The following PCDHA10 variants were observed in gnomAD, a reference collection of about 807,000 sequenced individuals.
PCDHA10 encodes protocadherin alpha 10, also known as protocadherin alpha-10.
A neutral mutation model predicts 61.2 loss-of-function variants in PCDHA10; 45 were observed. The observed-to-expected ratio is 0.74, with a 90% CI of 0.58 to 0.94. PCDHA10 has a LOEUF of 0.94. PCDHA10 is among the 40% of genes least tolerant of loss of function. The pLI is 0.00. For synonymous variants in PCDHA10, 602 were observed against 548.8 expected (o/e 1.10, Z -1.35); for missense variants, 1,278 against 1,236.2 (o/e 1.03, Z -0.51).
chr5:140,927,953 C>T (rs782230690), intron 1 of PCDHA10: 48 of 1,614,090 alleles, frequency 3.0e-5, no homozygotes, highest in Non-Finnish European at 2.1e-5. Flanking sequence ...GAGGACGCTG[C>T]CCCTGGCACA....
chr5:140,871,132 G>A, intron 1 of PCDHA10: 1 of 1,613,372 alleles, frequency 6.2e-7, no homozygotes, highest in South Asian at 1.1e-5. Flanking sequence ...GGCGCCAAAG[G>A]CCTCTTCCCG....
intron 1 of PCDHA10, chr5:140,876,403 G>A (rs1361779592): frequency 1.2e-6 from 2 of 1,613,820 alleles, no homozygotes. Context: ...ACTGGATTTT[G>A]AAGAGAATAA....
At position 140,857,531 on chromosome 5, in the gene PCDHA10, G is replaced by A; in HGVS notation, c.1483G>A (p.Glu495Lys). 1.3e-6 allele frequency: 2 copies of A among 1,597,582 alleles called. No homozygotes were observed. Among genetic ancestry groups the A allele is most frequent in the East Asian group, 2.2e-5 (1 of 44,834 alleles). ...ENALVSYSLV[E>K]RRLGERSLSS... is the part of the protein sequence containing the mutation. ...CGCCCTGGTGTCCTACTCTCTGGTG[G>A]AGCGGCGGTTGGGCGAGCGCTCGCT... Residue 495 changes from glutamate (E) to lysine (K), a missense_variant, in exon 1 of 4, where the codon GAG (glutamate) becomes AAG (lysine). By Grantham distance (56) the Glu-to-Lys change is moderately conservative. Transcript: ENST00000307360.
At chr5:140,939,317 A>T (rs2092365663) in intron 1 of PCDHA10, among the ~76,000 whole-genome samples, 1 of 152,148 alleles carries the variant, frequency 6.6e-6, no homozygotes, top group Admixed American at 6.5e-5. Flanking sequence ...CTACCTCCTA[A>T]TATCATAATC....
chr5:140,941,996 A>G (rs951664999), intron 1 of PCDHA10, among the ~76,000 whole-genome samples: 1 of 152,220 alleles, frequency 6.6e-6, no homozygotes, highest in Non-Finnish European at 1.5e-5. Flanking sequence ...AGGGATTCAT[A>G]TCTCTTATTA....
chr5:140,911,583 G>C (rs1245667621), intron 1 of PCDHA10, among the ~76,000 whole-genome samples: 4 of 152,150 alleles, frequency 2.6e-5, no homozygotes, highest in African/African-American at 7.2e-5. Context: ...GTGAACTTAG[G>C]AGGAACCAAC....
At position 140,856,186 on chromosome 5, in the gene PCDHA10, C is replaced by G. The variant is rs1451778566; in HGVS notation, c.138C>G (p.Arg46=). 97 of 1,598,138 alleles carry G rather than the reference C, an allele frequency of 6.1e-5. 9 individuals carry two copies. The highest frequency in any genetic ancestry group is 8.0e-5 in the Non-Finnish European group (94 of 1,167,930). The part of the protein sequence containing the change: ...EEARHGTFVG[R]IAQDLGLELA... Reference sequence around the variant, plus strand: ...CCAGACACGGCACCTTCGTGGGCCGCATCGCGCAGGACCTGGGGCTGGAGC... The same window carrying G: ...CCAGACACGGCACCTTCGTGGGCCGGATCGCGCAGGACCTGGGGCTGGAGC... The change falls in exon 1 of 4, where the codon CGC becomes CGG. Residue 46 remains arginine (R), a synonymous_variant. Transcript: ENST00000307360.
chr5:141,011,102 CT>C lies in PCDHA10; in HGVS notation c.*1166del, dbSNP rs2098419453. The C allele has an allele frequency of 1.3e-5, 2 of 153,744 alleles. No homozygotes were observed. The highest frequency in any genetic ancestry group is 6.5e-5 in the Admixed American group (1 of 15,280). The allele number at this position is 153,744 out of a possible 1,614,324, so 9.5% of individuals were successfully genotyped here. On this transcript the variant is annotated 3_prime_UTR_variant, in exon 4 of 4. Transcript: ENST00000307360. ...ATGATCTCTCTTTCTCTCTCTCTCT[CT>C]CTTTTCTAAGAAACAATTATGTGCA...
chr5:140,929,931 A>G (rs2086483535), intron 1 of PCDHA10: 1 of 152,250 alleles, frequency 6.6e-6, no homozygotes, highest in Non-Finnish European at 1.5e-5. Flanking sequence ...AAAACAGTGT[A>G]TTCTCTAGCC....
chr5:140,994,303 C>T (rs13163241), intron 3 of PCDHA10, among the ~76,000 whole-genome samples: 9,825 of 152,220 alleles, frequency 0.065, 357 homozygotes, highest in East Asian at 0.12. Flanking sequence ...ATTGTTTTCA[C>T]AGGGCCCAAA....
chr5:140,917,937 T>C (rs2078442259), intron 1 of PCDHA10, among the ~76,000 whole-genome samples: 1 of 152,186 alleles, frequency 6.6e-6, no homozygotes, highest in Non-Finnish European at 1.5e-5. Flanking sequence ...AAAAATAATA[T>C]TGGTAGTTTG....
intron 3 of PCDHA10, among the ~76,000 whole-genome samples, chr5:140,999,483 T>G (rs1316785085): frequency 3.3e-5 from 5 of 152,152 alleles, no homozygotes; most frequent in Admixed American, 2.6e-4. Flanking sequence ...CCAACTCAAG[T>G]CTATGTTACC....
At chr5:140,870,938 C>G in intron 1 of PCDHA10, 1 of 1,613,724 alleles carries the variant, frequency 6.2e-7, no homozygotes, top group Non-Finnish European at 8.5e-7. Flanking sequence ...GAATTGCAGC[C>G]GGCGGCGGGC....
chr5:140,968,295 A>G lies in PCDHA10; in HGVS notation c.2389-10654A>G, dbSNP rs782722853. 4 of 1,613,916 alleles carry G rather than the reference A, an allele frequency of 2.5e-6. No homozygotes were observed. The Admixed American group carries it at 5.0e-5, about 20-fold the overall frequency. ...GCAGAGGTGACCTACTCCCTTCTGG[A>G]GAGGGAGATTCAAGGGCTGCCAGTC... On this transcript the variant is annotated intron_variant, in intron 1 of 3. Coordinates refer to ENST00000307360, the MANE Select transcript of PCDHA10 (RefSeq NM_018901.4).
rs781863441 is a variant in PCDHA10 at position 140,858,454 on chromosome 5, C to A, written c.2388+18C>A. The A allele has an allele frequency of 2.0e-6, 3 of 1,529,822 alleles. No homozygotes were observed. The South Asian group carries it at 3.6e-5, about 18-fold the overall frequency. The allele number at this position is 1,529,822 out of a possible 1,614,324, so 94.8% of individuals were successfully genotyped here. On this transcript the variant is annotated intron_variant, in intron 1 of 3. Coordinates refer to ENST00000307360, the MANE Select transcript of PCDHA10 (RefSeq NM_018901.4). ...CTAGGAAGGTGGGTTATTACGTTTT[C>A]ATTTTCCTTTTGTGCTTTATGAATA...
intron 2 of PCDHA10, among the ~76,000 whole-genome samples, chr5:140,980,164 G>A (rs187011465): frequency 1.6e-3 from 238 of 152,226 alleles, no homozygotes; most frequent in Middle Eastern, 6.8e-3. Context: ...AGAATATTAG[G>A]TATCAGAAGA....
intron 1 of PCDHA10, chr5:140,967,806 G>A (rs1406839046): frequency 8.1e-6 from 13 of 1,614,180 alleles, no homozygotes; most frequent in Non-Finnish European, 1.1e-5. Flanking sequence ...CCCATGGCAG[G>A]TCACTGCAAG....
At chr5:140,909,502 G>A (rs1583705871) in intron 1 of PCDHA10, among the ~76,000 whole-genome samples, 2 of 152,180 alleles carry the variant, frequency 1.3e-5, no homozygotes. Flanking sequence ...CGGGGATGTG[G>A]TGGGAATCAC....
intron 1 of PCDHA10, among the ~76,000 whole-genome samples, chr5:140,903,538 C>G (rs562932214): frequency 7.9e-5 from 12 of 152,208 alleles, no homozygotes; most frequent in African/African-American, 2.6e-4. Context: ...TAAACTAGAG[C>G]AAGAAACTTT....
Sources: gnomAD v4.1 joint callset for allele counts (sites outside exome capture counted in the v4.1 genomes callset) on GRCh38, gnomAD v4.1.1 for gene constraint, MANE v1.5 for transcripts, NCBI Gene and HGNC (gene_info 2026-07-23, HGNC 2026-07-21) for gene names.